Variants in PNPLA7 observed in about 807,000 individuals in gnomAD.
The protein encoded by PNPLA7 is patatin like domain 7, lysophospholipase, also known as patatin-like phospholipase domain-containing protein 7.
Under a neutral mutation model 161.7 loss-of-function variants are expected in PNPLA7, and 153 were observed. The ratio of observed to expected loss-of-function variants is 0.95; its 90% CI spans 0.83 to 1.08. PNPLA7 has a LOEUF of 1.08. PNPLA7 is among the 50% of genes least tolerant of loss of function. The probability of loss-of-function intolerance (pLI) is 0.00; values close to 1 mark genes in which losing one functional copy is unlikely to be tolerated. For missense variants in PNPLA7, 1,739 were observed against 1,856.6 expected (o/e 0.94, Z 1.16); for synonymous variants, 809 against 782.1 (o/e 1.03, Z -0.57).
At position 137,495,001 on chromosome 9, in the gene PNPLA7, C is replaced by G. The variant is rs374396639; in HGVS notation, c.2127+32G>C. On this transcript the variant is annotated intron_variant, in intron 19 of 34. Coordinates refer to ENST00000406427, the MANE Select transcript of PNPLA7 (RefSeq NM_001098537.3). ...GCCCTCATCCACTCCACACCCTCAT[C>G]CGCTCCGCATCCTCACCCACGCCAT... is the stretch of plus-strand genomic sequence containing the variant. The G allele has an allele frequency of 6.7e-5, 105 of 1,572,370 alleles. No individual in the cohort carries two copies. In the African/African-American group the frequency reaches 1.2e-3, roughly 19 times the overall value.
At chr9:137,462,400 C>T in intron 30 of PNPLA7, 69 bp from the exon 31 acceptor site, 1 of 1,530,442 alleles carries the variant, frequency 6.5e-7, no homozygotes, top group Middle Eastern at 1.9e-4. Context: ...GCCCGTGGCG[C>T]AGGACAGGTT....
chr9:137,477,228 T>G (rs1163018067), intron 25 of PNPLA7, among the ~76,000 whole-genome samples: 1 of 152,218 alleles, frequency 6.6e-6, no homozygotes, highest in Non-Finnish European at 1.5e-5. Flanking sequence ...AGGCTCCATC[T>G]CTGTTCCAAG....
At chr9:137,505,910 C>T in intron 13 of PNPLA7, 73 bp downstream of exon 13, 1 of 1,535,246 alleles carries the variant, frequency 6.5e-7, no homozygotes, top group Non-Finnish European at 8.9e-7. Flanking sequence ...GCCGGCGGCG[C>T]CCCCAATGCA....
At position 137,467,321 on chromosome 9, in the gene PNPLA7, G is replaced by A. The variant is rs1353126398; in HGVS notation, c.3035C>T (p.Ala1012Val). ...GGGTGATGGGTGCCTGCTTACCTCG[G>A]CCCACTGCTTGGCCCGGATCCGCAT... Reference protein sequence around the residue: ...SQMRIRAKQWAEGMTSLMKAA... With the variant: ...SQMRIRAKQWVEGMTSLMKAA... The change falls in exon 26 of 35, where the codon GCC (alanine) becomes GTC (valine). Residue 1012 changes from alanine to valine, a missense_variant. Coordinates refer to ENST00000406427, the MANE Select transcript of PNPLA7 (RefSeq NM_001098537.3). The surrounding 1 kb of genome is among the most constrained non-coding windows in gnomAD (Gnocchi z 5.1). 6.2e-7 allele frequency: 1 copy of A among 1,612,628 alleles called. No individual in the cohort carries two copies. The highest frequency in any genetic ancestry group is 8.5e-7 in the Non-Finnish European group (1 of 1,179,496).
intron 33 of PNPLA7, 75 bp downstream of exon 33, chr9:137,461,461 T>TGGGGGGGGGGGGGGCCGGGGGGGGG: frequency 8.4e-7 from 1 of 1,189,080 alleles, no homozygotes; most frequent in Non-Finnish European, 1.1e-6. Context: ...GCCTCTGGGG[T>TGGGGGGGGGGGGGGCCGGGGGGGGG]GGGGGGGTTC....
chr9:137,461,467 G>GT, intron 33 of PNPLA7, 69 bp downstream of exon 33: 1 of 1,469,572 alleles, frequency 6.8e-7, no homozygotes, highest in Non-Finnish European at 9.3e-7. Context: ...GGGGTGGGGG[G>GT]GTTCAAGCCC....
At chr9:137,545,056 G>T (rs76753853) in intron 4 of PNPLA7, among the ~76,000 whole-genome samples, 2,653 of 152,240 alleles carry the variant, frequency 0.017, 70 homozygotes, top group African/African-American at 0.061. Context: ...AAGCTTCTGG[G>T]TGGTCTGTTG....
intron 25 of PNPLA7, among the ~76,000 whole-genome samples, chr9:137,470,291 C>T (rs1588542317): frequency 1.3e-5 from 2 of 152,214 alleles, no homozygotes; most frequent in African/African-American, 2.4e-5. Context: ...GCTGGGATTA[C>T]AGGTGTGAGG....
At chr9:137,498,393 G>C in intron 16 of PNPLA7, 148 bp from the exon 17 acceptor site, 1 of 1,191,548 alleles carries the variant, frequency 8.4e-7, no homozygotes, top group Non-Finnish European at 1.2e-6. Flanking sequence ...GACGGGGCAC[G>C]CACCAGTCAG....
intron 12 of PNPLA7, chr9:137,509,735 G>A (rs553921404): frequency 2.2e-5 from 10 of 456,146 alleles, no homozygotes; most frequent in Admixed American, 4.7e-5. Context: ...CACAGCAGTC[G>A]GATGAGGCTG....
chr9:137,481,315 C>T (rs984774127), intron 21 of PNPLA7, among the ~76,000 whole-genome samples: 4 of 152,232 alleles, frequency 2.6e-5, no homozygotes, highest in Non-Finnish European at 2.9e-5. Flanking sequence ...CGGTCCCCTC[C>T]AGCACGAGCA....
intron 12 of PNPLA7, chr9:137,509,849 G>A (rs1170532570): frequency 2.5e-6 from 1 of 401,464 alleles, no homozygotes; most frequent in African/African-American, 2.1e-5. Context: ...AACAAGAATA[G>A]TTATACCAGA....
At chr9:137,505,875 G>T (rs1216314508) in intron 13 of PNPLA7, 108 bp downstream of exon 13, 2 of 1,527,010 alleles carry the variant, frequency 1.3e-6, no homozygotes. Context: ...GCCTCCTGAA[G>T]CTGCAGGTGC....
At chr9:137,506,104 C>G in intron 12 of PNPLA7, 21 bp from the exon 13 acceptor site, 1 of 1,597,880 alleles carries the variant, frequency 6.3e-7, no homozygotes, top group Non-Finnish European at 8.5e-7. Flanking sequence ...AGGGGACACT[C>G]AGGACACGGT....
At position 137,520,781 on chromosome 9, in the gene PNPLA7, GCCTTGTGC is replaced by G. The variant is rs1834943456; in HGVS notation, c.958-746_958-739del. Among the ~76,000 whole-genome samples, 1 of 152,240 alleles carries G rather than the reference GCCTTGTGC, an allele frequency of 6.6e-6. No individual in the cohort carries two copies. On this transcript the variant is annotated intron_variant, in intron 10 of 34. Coordinates refer to ENST00000406427, the MANE Select transcript of PNPLA7 (RefSeq NM_001098537.3). This position sits in a 1 kb window ranked among gnomAD's most constrained non-coding sequence, Gnocchi z 5.2. ...GGAGGAGGGAGAGCCGGGGTTGACA[GCCTTGTGC>G]CCTTGACAATGCGCTGTACCCTCCA... is the stretch of plus-strand genomic sequence containing the variant.
Position 137,479,098 on chromosome 9 carries a change from G to C in PNPLA7, c.2721C>G (p.Cys907Trp). 1 of 1,599,838 alleles carries C rather than the reference G, an allele frequency of 6.3e-7. No homozygotes were observed. Among genetic ancestry groups the C allele is most frequent in the Non-Finnish European group, 8.5e-7 (1 of 1,173,912 alleles). Residue 907 changes from cysteine to tryptophan, a missense_variant, in exon 24 of 35, where the codon TGC becomes TGG. Cys to Trp is a radical substitution (Grantham distance 215). Around this residue, in one of 6 missense-constraint regions of PNPLA7, gnomAD observed 703 missense variants for 694.6 expected, o/e 1.01. Coordinates refer to ENST00000406427, the MANE Select transcript of PNPLA7 (RefSeq NM_001098537.3). ...TCCTGGAGAAGACGCGGCGCGGGCA[G>C]CAGAGGTGCAGGTGGCCGGAGCACC... ...RSWCSGHLHL[C>W]CPRRVFSRRS... is the part of the protein sequence containing the mutation.
intron 23 of PNPLA7, among the ~76,000 whole-genome samples, chr9:137,480,054 G>T (rs1459905219): frequency 2.6e-5 from 4 of 152,256 alleles, no homozygotes; most frequent in African/African-American, 9.6e-5. Context: ...TCCCGCACCT[G>T]CTGTAAAAGT....
chr9:137,477,915 G>T, intron 25 of PNPLA7, 119 bp downstream of exon 25: 3 of 840,578 alleles, frequency 3.6e-6, no homozygotes, highest in South Asian at 5.7e-5. Flanking sequence ...CAGGCGGCCT[G>T]AGGGTCTCGT....
In PNPLA7 at chr9:137,523,955, T is replaced by C. The variant is rs910693481; in HGVS notation, c.748-1098A>G. Among the ~76,000 whole-genome samples the C allele has an allele frequency of 2.3e-4, 35 of 152,120 alleles. 1 individual carries two copies. Among genetic ancestry groups the C allele is most frequent in the African/African-American group, 8.5e-4 (35 of 41,414 alleles). ...CAGATTATTCTGGAAATTAGTTGGC[T>C]CTAGAGAGAAAAGCCTTCTGTTTAC... On this transcript the variant is annotated intron_variant, in intron 8 of 34. Transcript: ENST00000406427. This position sits in a 1 kb window ranked among gnomAD's most constrained non-coding sequence, Gnocchi z 4.4.
Sources: gnomAD v4.1 joint callset for allele counts (sites outside exome capture counted in the v4.1 genomes callset) on GRCh38, gnomAD v4.1.1 for gene constraint, gnomAD v4.1.1 regional missense constraint, Gnocchi (gnomAD v3.1) non-coding constraint, MANE v1.5 for transcripts, NCBI Gene and HGNC (gene_info 2026-07-23, HGNC 2026-07-21) for gene names.